UNC79: variants seen among roughly 807,000 people sequenced by gnomAD.
UNC79 encodes unc-79 subunit of NALCN channel complex.
In UNC79, 37 loss-of-function variants were observed where a neutral mutation model predicts 283.1. The observed-to-expected ratio is 0.13, with a 90% CI of 0.10 to 0.17. The LOEUF (loss-of-function observed/expected upper bound fraction) is 0.17. Among genes scored for constraint, UNC79 ranks in the 10% least tolerant of loss-of-function variants. UNC79 has a pLI of 1.00. For missense variants in UNC79, 2,272 were observed against 3,211.1 expected (o/e 0.71, Z 7.07); for synonymous variants, 1,107 against 1,200.2 (o/e 0.92, Z 1.61).
At chr14:93,603,124 C>A in intron 25 of UNC79, 115 bp from the exon 26 acceptor site, 1 of 1,217,572 alleles carries the variant, frequency 8.2e-7, no homozygotes, top group Non-Finnish European at 1.1e-6. Flanking sequence ...GATGTATATC[C>A]ATGAAAAATG....
chr14:93,451,931 T>C lies in UNC79; in HGVS notation c.23-15740T>C, dbSNP rs80017623. Among the ~76,000 whole-genome samples, 1,401 of 152,346 alleles carry C rather than the reference T, an allele frequency of 9.2e-3. 26 individuals carry two copies. The highest frequency in any genetic ancestry group is 0.032 in the African/African-American group (1,344 of 41,574). On this transcript the variant is annotated intron_variant, in intron 1 of 48. Coordinates refer to ENST00000555664, the Ensembl canonical transcript of UNC79. ...GATCTTGCTTTGTGTTTTCTTGCCTTGTCTCCTTTTCTTCTTGTCTTTGAA... is the reference window on the plus strand; with the variant it reads ...GATCTTGCTTTGTGTTTTCTTGCCTCGTCTCCTTTTCTTCTTGTCTTTGAA...
chr14:93,405,560 C>T (rs2055209572), intron 1 of UNC79, among the ~76,000 whole-genome samples: 1 of 152,090 alleles, frequency 6.6e-6, no homozygotes, highest in Non-Finnish European at 1.5e-5. Context: ...GAGAACATTA[C>T]AAACATTGAT....
At chr14:93,451,826 G>C (rs1198396121) in intron 1 of UNC79, among the ~76,000 whole-genome samples, 4 of 152,170 alleles carry the variant, frequency 2.6e-5, no homozygotes, top group Non-Finnish European at 5.9e-5. Context: ...TCTTAGCACT[G>C]CTGCTGGCCT....
At chr14:93,530,640 T>A (rs566383147) in intron 10 of UNC79, among the ~76,000 whole-genome samples, 4 of 150,362 alleles carry the variant, frequency 2.7e-5, no homozygotes, top group Non-Finnish European at 5.9e-5. Context: ...CCGGGCGCGG[T>A]GGCTCACGCC....
chr14:93,688,864 A>G lies in UNC79; in HGVS notation c.7085+24A>G, dbSNP rs945450898. On this transcript the variant is annotated intron_variant, in intron 44 of 48. Transcript: ENST00000555664. The surrounding 1 kb of genome is among the most constrained non-coding windows in gnomAD (Gnocchi z 4.0). ...GGGTAAGACCCTTACTATTCCGGGA[A>G]TGAGGGTAAAGAAGGCAGGAGACAC... 3 of 1,607,302 alleles carry G rather than the reference A, an allele frequency of 1.9e-6. No individual in the cohort carries two copies. The highest frequency in any genetic ancestry group is 2.6e-6 in the Non-Finnish European group (3 of 1,176,272).
intron 41 of UNC79, among the ~76,000 whole-genome samples, chr14:93,674,758 A>G (rs1596322275): frequency 6.6e-6 from 1 of 152,232 alleles, no homozygotes; most frequent in Non-Finnish European, 1.5e-5. Context: ...TGTGTTAAGC[A>G]TTTGATCCTT....
chr14:93,462,991 G>A (rs1331978789), intron 1 of UNC79, among the ~76,000 whole-genome samples: 1 of 152,114 alleles, frequency 6.6e-6, no homozygotes, highest in Non-Finnish European at 1.5e-5. Flanking sequence ...TGACAGTCCT[G>A]TGGATGGATG....
At chr14:93,373,474 C>T (rs1440955164) in intron 1 of UNC79, among the ~76,000 whole-genome samples, 1 of 151,912 alleles carries the variant, frequency 6.6e-6, no homozygotes, top group Non-Finnish European at 1.5e-5. Flanking sequence ...CACTACAGAT[C>T]TTATGGACAT....
intron 47 of UNC79, among the ~76,000 whole-genome samples, chr14:93,702,142 C>G (rs1002301779): frequency 6.6e-6 from 1 of 152,164 alleles, no homozygotes; most frequent in Non-Finnish European, 1.5e-5. Flanking sequence ...TAGGGGGAGA[C>G]AGTTAGACTA....
chr14:93,463,459 T>A (rs910734303), intron 1 of UNC79, among the ~76,000 whole-genome samples: 1 of 150,184 alleles, frequency 6.7e-6, no homozygotes, highest in Middle Eastern at 3.2e-3. Flanking sequence ...AGGAGAGAGG[T>A]TTTTTCTTTC....
intron 7 of UNC79, among the ~76,000 whole-genome samples, chr14:93,508,217 A>C (rs868469373): frequency 8.6e-5 from 13 of 150,958 alleles, no homozygotes; most frequent in South Asian, 2.1e-4. Flanking sequence ...AAAAAAAAAA[A>C]CCCACTAAAC....
At chr14:93,424,049 C>T (rs1379805204) in intron 1 of UNC79, among the ~76,000 whole-genome samples, 1 of 152,032 alleles carries the variant, frequency 6.6e-6, no homozygotes, top group Non-Finnish European at 1.5e-5. Flanking sequence ...CAAAAGTGGG[C>T]AAAAGATTTA....
chr14:93,563,921 A>G (rs1053864817), intron 14 of UNC79, among the ~76,000 whole-genome samples: 1 of 152,108 alleles, frequency 6.6e-6, no homozygotes, highest in African/African-American at 2.4e-5. Context: ...TGAAGAAAAT[A>G]GATTTTGGAA....
At chr14:93,586,525 T>G (rs944199442) in intron 20 of UNC79, 71 bp from the exon 21 acceptor site, 14 of 1,386,160 alleles carry the variant, frequency 1.0e-5, no homozygotes, top group African/African-American at 2.9e-5. Flanking sequence ...GTTTTTATGA[T>G]CTTGATAAAT....
chr14:93,655,181 A>G, intron 37 of UNC79, 53 bp from the exon 41 acceptor site: 1 of 1,591,244 alleles, frequency 6.3e-7, no homozygotes, highest in Non-Finnish European at 8.6e-7. Context: ...AAATAGCGCT[A>G]TGCATTCCCG....
intron 8 of UNC79, among the ~76,000 whole-genome samples, chr14:93,526,582 T>C (rs993053502): frequency 6.6e-6 from 1 of 152,150 alleles, no homozygotes; most frequent in African/African-American, 2.4e-5. Flanking sequence ...ATTGGGCATA[T>C]GTCATATTTA....
intron 20 of UNC79, among the ~76,000 whole-genome samples, chr14:93,584,288 C>T (rs1250882829): frequency 6.6e-6 from 1 of 152,206 alleles, no homozygotes; most frequent in African/African-American, 2.4e-5. Context: ...CTTCATATTT[C>T]ACATGATTCC....
intron 47 of UNC79, among the ~76,000 whole-genome samples, chr14:93,704,407 G>T (rs1217281625): frequency 6.6e-6 from 1 of 152,154 alleles, no homozygotes; most frequent in Non-Finnish European, 1.5e-5. Flanking sequence ...TGTATCTCAG[G>T]CACTCATGGG....
chr14:93,595,069 T>G (rs1419528479), intron 23 of UNC79, among the ~76,000 whole-genome samples: 1 of 151,698 alleles, frequency 6.6e-6, no homozygotes, highest in Non-Finnish European at 1.5e-5. Context: ...TTACTTCTCT[T>G]TCTTTCCTTT....
Sources: gnomAD v4.1 joint callset for allele counts (sites outside exome capture counted in the v4.1 genomes callset) on GRCh38, gnomAD v4.1.1 for gene constraint, Gnocchi (gnomAD v3.1) non-coding constraint, MANE v1.5 for transcripts, NCBI Gene and HGNC (gene_info 2026-07-23, HGNC 2026-07-21) for gene names.